Variants in LIN9 observed in about 807,000 individuals in gnomAD.
LIN9 encodes the protein lin-9 DREAM MuvB core complex component, also known as protein lin-9 homolog.
A neutral mutation model predicts 78.0 loss-of-function variants in LIN9; 18 were observed. That is an observed-to-expected ratio of 0.23 (90% CI 0.16 to 0.34). The LOEUF is 0.34. Among genes scored for constraint, LIN9 ranks in the 10% least tolerant of loss-of-function variants. The pLI, the probability that LIN9 is intolerant of heterozygous loss-of-function variation, is 1.00. For synonymous variants in LIN9, 192 were observed against 215.2 expected (o/e 0.89, Z 0.94); for missense variants, 451 against 644.1 (o/e 0.70, Z 3.25).
intron 11 of LIN9, among the ~76,000 whole-genome samples, chr1:226,245,118 T>C (rs1175518163): frequency 6.6e-6 from 1 of 152,084 alleles, no homozygotes. Flanking sequence ...TCACTGAAAA[T>C]CACTGACAAA....
chr1:226,234,168 T>C (rs1045297241), intron 12 of LIN9, among the ~76,000 whole-genome samples: 2 of 152,230 alleles, frequency 1.3e-5, no homozygotes, highest in South Asian at 2.1e-4. Flanking sequence ...GATTTCCTTT[T>C]TGTAAGTACT....
chr1:226,308,805 A>C (rs942427778), intron 1 of LIN9: 1 of 205,234 alleles, frequency 4.9e-6, no homozygotes, highest in Non-Finnish European at 9.7e-6. Flanking sequence ...TCTTCCCTCC[A>C]CCTCGGCTGG....
intron 7 of LIN9, 32 bp from the exon 8 acceptor site, chr1:226,268,122 G>A (rs770786558): frequency 1.2e-6 from 2 of 1,600,254 alleles, no homozygotes; most frequent in African/African-American, 2.7e-5. Context: ...TATGATGTGT[G>A]GGAGATACAA....
At chr1:226,295,704 C>CTT in intron 4 of LIN9, 138 bp downstream of exon 4, 1 of 550,990 alleles carries the variant, frequency 1.8e-6, no homozygotes, top group Non-Finnish European at 3.2e-6. Context: ...TTCTAGGTAA[C>CTT]TAAAACAGGA....
chr1:226,305,169 T>G (rs1662822977), intron 1 of LIN9, among the ~76,000 whole-genome samples: 1 of 150,500 alleles, frequency 6.6e-6, no homozygotes. Flanking sequence ...GACTCCATCT[T>G]TAAAAAAAAA....
intron 10 of LIN9, among the ~76,000 whole-genome samples, chr1:226,262,280 G>T (rs1373211604): frequency 6.6e-6 from 1 of 152,150 alleles, no homozygotes; most frequent in African/African-American, 2.4e-5. Flanking sequence ...ATGATGAGCT[G>T]AACTTCATTA....
At chr1:226,267,736 G>A (rs529289634) in intron 8 of LIN9, among the ~76,000 whole-genome samples, 170 of 152,282 alleles carry the variant, frequency 1.1e-3, no homozygotes, top group African/African-American at 3.9e-3. Context: ...CTAAAGTGCT[G>A]TGTCGTTAAG....
At chr1:226,252,575 CATTTAAA>C (rs1658904676) in intron 10 of LIN9, among the ~76,000 whole-genome samples, 1 of 152,126 alleles carries the variant, frequency 6.6e-6, no homozygotes, top group Non-Finnish European at 1.5e-5. Flanking sequence ...AGGCACTCAA[CATTTAAA>C]AAACAACTGA....
At chr1:226,267,707 A>C (rs1660020922) in intron 8 of LIN9, among the ~76,000 whole-genome samples, 1 of 152,178 alleles carries the variant, frequency 6.6e-6, no homozygotes, top group East Asian at 1.9e-4. Context: ...TTTAGTCAGG[A>C]CTCATCAGTT....
Position 226,266,249 on chromosome 1 carries a change from C to A in LIN9, c.900G>T (p.Arg300=). ...ACTGGAGAGGAGGAGTATAATGTAA[C>A]CGTGGTGGGGTCATAAAAAATCGAG... ...RPSRFFMTPP[R]LHYTPPLQSP... is the part of the protein sequence containing the mutation. The change falls in exon 9 of 15, where the codon CGG becomes CGT. Residue 300 remains arginine (R), a synonymous_variant. Transcript: ENST00000681046. The A allele has an allele frequency of 6.3e-7, 1 of 1,595,184 alleles. No individual in the cohort carries two copies. Among genetic ancestry groups the A allele is most frequent in the Non-Finnish European group, 8.6e-7 (1 of 1,168,224 alleles).
At chr1:226,232,672 A>G (rs1376969993) in intron 14 of LIN9, 66 bp from the exon 15 acceptor site, 1 of 931,382 alleles carries the variant, frequency 1.1e-6, no homozygotes, top group Non-Finnish European at 1.6e-6. Context: ...TTTTTAAAAG[A>G]AGACCTGAAT....
intron 11 of LIN9, among the ~76,000 whole-genome samples, chr1:226,242,529 C>T (rs1013815364): frequency 4.6e-5 from 7 of 152,126 alleles, no homozygotes; most frequent in Admixed American, 3.3e-4. Context: ...GGTAAAGAAG[C>T]TATTTTAAAC....
At chr1:226,307,629 C>T (rs1409880823) in intron 1 of LIN9, among the ~76,000 whole-genome samples, 1 of 152,136 alleles carries the variant, frequency 6.6e-6, no homozygotes, top group African/African-American at 2.4e-5. Context: ...AGTGAAACTC[C>T]ATCTCAAAAT....
At chr1:226,302,928 G>A (rs1662653693) in intron 1 of LIN9, among the ~76,000 whole-genome samples, 1 of 152,164 alleles carries the variant, frequency 6.6e-6, no homozygotes. Context: ...CTGTGTAAGA[G>A]ACTTGTGAAA....
In LIN9 at chr1:226,241,674, C is replaced by T. The variant is rs1348733801; in HGVS notation, c.1120-2578G>A. 5.9e-5 allele frequency among the ~76,000 whole-genome samples: 9 copies of T among 151,880 alleles called. No individual in the cohort carries two copies. The East Asian group carries it at 1.2e-3, about 20-fold the overall frequency. On this transcript the variant is annotated intron_variant, in intron 11 of 14. Coordinates refer to ENST00000681046, the MANE Select transcript of LIN9 (RefSeq NM_001366245.2). ...GAGATCGAGACCATCCTGGCTAACA[C>T]GGTGAAACCCCGTCTCTACTAAAAA...
intron 2 of LIN9, among the ~76,000 whole-genome samples, chr1:226,300,353 C>T (rs191094107): frequency 4.6e-5 from 7 of 152,068 alleles, no homozygotes; most frequent in Non-Finnish European, 1.0e-4. Context: ...GAGTTCGAGA[C>T]CAGCCTGGGC....
chr1:226,291,324 C>A (rs529498580), intron 4 of LIN9, among the ~76,000 whole-genome samples: 2 of 151,636 alleles, frequency 1.3e-5, no homozygotes, highest in South Asian at 4.2e-4. Flanking sequence ...ACACTGAATC[C>A]GATTATCTCA....
chr1:226,270,824 C>CA (rs764106581), intron 7 of LIN9, among the ~76,000 whole-genome samples: 1,517 of 21,900 alleles, frequency 0.069, 179 homozygotes, highest in African/African-American at 0.09. Flanking sequence ...GACTCTGTCT[C>CA]AAAAAAAAAA....
chr1:226,270,087 T>A (rs531812927), intron 7 of LIN9, among the ~76,000 whole-genome samples: 2 of 152,182 alleles, frequency 1.3e-5, no homozygotes, highest in East Asian at 3.9e-4. Context: ...CACACCCGGC[T>A]AATTTTTTTT....
Sources: gnomAD v4.1 joint callset for allele counts (sites outside exome capture counted in the v4.1 genomes callset) on GRCh38, gnomAD v4.1.1 for gene constraint, MANE v1.5 for transcripts, NCBI Gene and HGNC (gene_info 2026-07-23, HGNC 2026-07-21) for gene names.